The following ANO2 variants were observed in gnomAD, a reference collection of about 807,000 sequenced individuals.
The protein encoded by ANO2 is anoctamin 2, also known as anoctamin-2.
A neutral mutation model predicts 124.2 loss-of-function variants in ANO2; 101 were observed. That is an observed-to-expected ratio of 0.81 (90% CI 0.69 to 0.96). The LOEUF (loss-of-function observed/expected upper bound fraction) is 0.96, where lower values mean the gene tolerates loss of function less well. Ranked by LOEUF, ANO2 falls within the 40% of genes least tolerant of loss-of-function variation. ANO2 has a pLI of 0.00. For missense variants in ANO2, 1,293 were observed against 1,274.5 expected, an observed-to-expected ratio of 1.01 and a Z score of -0.22; for synonymous variants, 486 against 482.5, an observed-to-expected ratio of 1.01 and a Z score of -0.09.
At chr12:5,888,579 A>C (rs1019523158) in intron 3 of ANO2, among the ~76,000 whole-genome samples, 20 of 152,100 alleles carry the variant, frequency 1.3e-4, no homozygotes, top group African/African-American at 4.6e-4. Context: ...TAGACAGAGA[A>C]GTTCTCCACC....
intron 14 of ANO2, among the ~76,000 whole-genome samples, chr12:5,675,825 G>A (rs1414600050): frequency 6.6e-6 from 1 of 152,138 alleles, no homozygotes; most frequent in Non-Finnish European, 1.5e-5. Context: ...GTGGCCATTT[G>A]TGCAACTCAT....
intron 11 of ANO2, among the ~76,000 whole-genome samples, chr12:5,749,287 T>C (rs184224237): frequency 6.6e-6 from 1 of 152,314 alleles, no homozygotes; most frequent in Non-Finnish European, 1.5e-5. Flanking sequence ...CACCTGCCTA[T>C]GGAGGGAACA....
chr12:5,591,570 C>T (rs1457408015), intron 20 of ANO2, among the ~76,000 whole-genome samples: 5 of 152,120 alleles, frequency 3.3e-5, no homozygotes, highest in Non-Finnish European at 5.9e-5. Flanking sequence ...GAAATTCAGC[C>T]TGTGTGTTGA....
At chr12:5,676,616 A>G (rs1169327584) in intron 14 of ANO2, among the ~76,000 whole-genome samples, 1 of 152,116 alleles carries the variant, frequency 6.6e-6, no homozygotes, top group Non-Finnish European at 1.5e-5. Flanking sequence ...TTTTTCCTGC[A>G]GTAAACAAAG....
intron 15 of ANO2, among the ~76,000 whole-genome samples, chr12:5,640,068 C>G (rs942316883): frequency 1.3e-5 from 2 of 152,140 alleles, no homozygotes; most frequent in African/African-American, 4.8e-5. Flanking sequence ...TAGCTGAACA[C>G]ACAGGATTGG....
At chr12:5,592,744 T>C (rs571534554) in intron 20 of ANO2, among the ~76,000 whole-genome samples, 1 of 152,122 alleles carries the variant, frequency 6.6e-6, no homozygotes, top group African/African-American at 2.4e-5. Context: ...AGGGTTCAAA[T>C]AAGAATCCAA....
intron 10 of ANO2, among the ~76,000 whole-genome samples, chr12:5,788,834 C>T (rs1454062028): frequency 6.6e-6 from 1 of 152,258 alleles, no homozygotes; most frequent in African/African-American, 2.4e-5. Flanking sequence ...GCTGGGATTA[C>T]AGGCGTGAGC....
At chr12:5,602,699 G>C (rs1380477675) in intron 19 of ANO2, among the ~76,000 whole-genome samples, 1 of 152,096 alleles carries the variant, frequency 6.6e-6, no homozygotes, top group African/African-American at 2.4e-5. Flanking sequence ...TGAAAAAAAA[G>C]CCTCCAGCAA....
At chr12:5,739,159 G>T in intron 13 of ANO2, 158 bp downstream of exon 13, 1 of 747,416 alleles carries the variant, frequency 1.3e-6, no homozygotes, top group Non-Finnish European at 2.4e-6. Flanking sequence ...GTCAACCATG[G>T]CCCAAGTCCA....
At chr12:5,927,573 T>C (rs1477577978) in intron 1 of ANO2, among the ~76,000 whole-genome samples, 1 of 152,232 alleles carries the variant, frequency 6.6e-6, no homozygotes, top group Admixed American at 6.5e-5. Context: ...CCACTGTCCA[T>C]CTACCATCAG....
chr12:5,867,258 C>T (rs1444760687), intron 3 of ANO2, among the ~76,000 whole-genome samples: 1 of 152,222 alleles, frequency 6.6e-6, no homozygotes, highest in Non-Finnish European at 1.5e-5. Flanking sequence ...TTTCAAGGGG[C>T]TACCTGGTTG....
chr12:5,822,738 C>T lies in ANO2; in HGVS notation c.892+5031G>A, dbSNP rs1043654495. 7.9e-5 allele frequency among the ~76,000 whole-genome samples: 12 copies of T among 152,184 alleles called. 1 individual carries two copies. Among genetic ancestry groups the T allele is most frequent in the African/African-American group, 2.9e-4 (12 of 41,444 alleles). On this transcript the variant is annotated intron_variant, in intron 7 of 24. Coordinates refer to ENST00000682330, the MANE Select transcript of ANO2 (RefSeq NM_001364791.2). ...TTACTCAGGGTATGGGTTTTCCTAT[C>T]CTGTACGCAATGCTTCTGCCAAGAC...
At chr12:5,796,705 AG>A (rs1466619964) in intron 10 of ANO2, among the ~76,000 whole-genome samples, 1 of 152,198 alleles carries the variant, frequency 6.6e-6, no homozygotes, top group African/African-American at 2.4e-5. Flanking sequence ...AGCCGGGTGG[AG>A]GCAGGGGCCA....
At chr12:5,659,149 C>T (rs976037777) in intron 14 of ANO2, among the ~76,000 whole-genome samples, 2 of 152,178 alleles carry the variant, frequency 1.3e-5, no homozygotes, top group Admixed American at 1.3e-4. Flanking sequence ...CAAGGCCTCT[C>T]ACAAACAGCA....
intron 3 of ANO2, among the ~76,000 whole-genome samples, chr12:5,890,387 G>A (rs577162936): frequency 6.6e-6 from 1 of 152,324 alleles, no homozygotes; most frequent in Non-Finnish European, 1.5e-5. Flanking sequence ...CAGAGCAGAG[G>A]TTCACATGTC....
intron 20 of ANO2, among the ~76,000 whole-genome samples, chr12:5,583,463 C>A (rs1191649775): frequency 6.6e-6 from 1 of 151,716 alleles, no homozygotes; most frequent in Non-Finnish European, 1.5e-5. Flanking sequence ...ACCATCTTGG[C>A]TAACACGGTG....
At chr12:5,812,343 G>A (rs1453791317) in intron 7 of ANO2, among the ~76,000 whole-genome samples, 3 of 139,366 alleles carry the variant, frequency 2.2e-5, no homozygotes, top group Admixed American at 2.1e-4. Context: ...GAAGGAGGGA[G>A]GAAGGAAGGA....
At chr12:5,664,043 A>G (rs1325635315) in intron 14 of ANO2, among the ~76,000 whole-genome samples, 2 of 152,182 alleles carry the variant, frequency 1.3e-5, no homozygotes, top group Non-Finnish European at 2.9e-5. Context: ...ATGGTGGAAG[A>G]GCTTCTAAAT....
At chr12:5,698,760 T>C (rs1177088435) in intron 14 of ANO2, among the ~76,000 whole-genome samples, 2 of 152,176 alleles carry the variant, frequency 1.3e-5, no homozygotes, top group African/African-American at 4.8e-5. Context: ...AATGACCTGA[T>C]GGAGCTGAAA....
Sources: gnomAD v4.1 joint callset for allele counts (sites outside exome capture counted in the v4.1 genomes callset) on GRCh38, gnomAD v4.1.1 for gene constraint, MANE v1.5 for transcripts, NCBI Gene and HGNC (gene_info 2026-07-23, HGNC 2026-07-21) for gene names.